CACNA1A: variants seen among roughly 807,000 people sequenced by gnomAD.
CACNA1A encodes voltage-dependent P/Q-type calcium channel subunit alpha-1A.
A neutral mutation model predicts 262.4 loss-of-function variants in CACNA1A; 57 were observed. That is an observed-to-expected ratio of 0.22 (90% confidence interval 0.18 to 0.27). The LOEUF is 0.27. Ranked by LOEUF, CACNA1A falls within the 10% of genes least tolerant of loss-of-function variation. The probability of loss-of-function intolerance (pLI) is 1.00; values close to 1 mark genes in which losing one functional copy is unlikely to be tolerated. For missense variants in CACNA1A, 2,526 were observed against 3,562.8 expected (o/e 0.71, Z 7.41); for synonymous variants, 1,431 against 1,419.3 (o/e 1.01, Z -0.18).
chr19:13,219,396 CT>C (rs1381008539), intron 38 of CACNA1A, among the ~76,000 whole-genome samples: 2 of 152,096 alleles, frequency 1.3e-5, no homozygotes, highest in Non-Finnish European at 2.9e-5. Context: ...AGTATAAAAA[CT>C]TTTCTCAGTT....
At chr19:13,233,802 T>C (rs894375759) in intron 34 of CACNA1A, among the ~76,000 whole-genome samples, 2 of 152,182 alleles carry the variant, frequency 1.3e-5, no homozygotes, top group Admixed American at 6.5e-5. Flanking sequence ...TATTCCCCTT[T>C]ATTCTTGAAT....
intron 38 of CACNA1A, among the ~76,000 whole-genome samples, chr19:13,223,908 G>GT (rs2055334948): frequency 6.6e-6 from 1 of 152,024 alleles, no homozygotes; most frequent in Non-Finnish European, 1.5e-5. Flanking sequence ...GCTCATGCCT[G>GT]TAATACCAGC....
At chr19:13,382,196 AAG>A (rs1443807432) in intron 3 of CACNA1A, among the ~76,000 whole-genome samples, 3 of 152,156 alleles carry the variant, frequency 2.0e-5, no homozygotes, top group Non-Finnish European at 1.5e-5. Context: ...GCAGGGATGA[AAG>A]AGGGAATGAT....
At position 13,214,162 on chromosome 19, in the gene CACNA1A, A is replaced by G; in HGVS notation, c.5940+71T>C. ...TGGGGCTCAGCCACCCTCATATTCC[A>G]GTTGGTTCCCGTGGTGACATGCAAG... On this transcript the variant is annotated intron_variant, in intron 40 of 46. Coordinates refer to ENST00000360228, the MANE Select transcript of CACNA1A (RefSeq NM_001127222.2). This position sits in a 1 kb window ranked among gnomAD's most constrained non-coding sequence, Gnocchi z 4.1. 7.9e-7 allele frequency: 1 copy of G among 1,265,196 alleles called. No individual in the cohort carries two copies. The highest frequency in any genetic ancestry group is 1.1e-6 in the Non-Finnish European group (1 of 896,390). 78.4% of individuals were successfully genotyped at this position (1,265,196 alleles called of 1,614,324 possible). A position where few individuals can be genotyped will look rare whatever the true frequency, so the allele number is the denominator to read the frequency against.
intron 22 of CACNA1A, among the ~76,000 whole-genome samples, chr19:13,279,734 C>G (rs1380346262): frequency 1.3e-5 from 2 of 152,140 alleles, no homozygotes; most frequent in African/African-American, 2.4e-5. Context: ...ATCTACCCAC[C>G]TTGGCCTCCC....
chr19:13,366,794 G>A (rs1445461186), intron 4 of CACNA1A, among the ~76,000 whole-genome samples: 3 of 151,922 alleles, frequency 2.0e-5, no homozygotes, highest in South Asian at 2.1e-4. Context: ...ATAAAAGGCC[G>A]CCATATAGGC....
chr19:13,392,030 CAAAAAAAAA>C (rs137905773), intron 3 of CACNA1A, among the ~76,000 whole-genome samples: 1 of 84,728 alleles, frequency 1.2e-5, no homozygotes, highest in East Asian at 4.2e-4. Context: ...GACCATGTCT[CAAAAAAAAA>C]AAAAAAAAGA....
At chr19:13,396,024 C>A (rs1259385751) in intron 3 of CACNA1A, among the ~76,000 whole-genome samples, 3 of 152,234 alleles carry the variant, frequency 2.0e-5, no homozygotes, top group Non-Finnish European at 4.4e-5. Flanking sequence ...AAAAAACGGA[C>A]AATTTCCCCT....
chr19:13,224,818 C>T, intron 37 of CACNA1A, 46 bp from the exon 38 acceptor site: 2 of 1,451,296 alleles, frequency 1.4e-6, no homozygotes, highest in South Asian at 1.2e-5. Flanking sequence ...GGCATCCCTC[C>T]TGGGTCTCCC....
In CACNA1A at chr19:13,235,596, G is replaced by A. The variant is rs774361641; in HGVS notation, c.5067+18C>T. On this transcript the variant is annotated intron_variant, in intron 32 of 46. Coordinates refer to ENST00000360228, the MANE Select transcript of CACNA1A (RefSeq NM_001127222.2). ...CTGTCTTCTCAGCCCTGGGCCAGCAGCAGGGACGAGGACTCACCTTGAAGG... is the reference window on the plus strand; with the variant it reads ...CTGTCTTCTCAGCCCTGGGCCAGCAACAGGGACGAGGACTCACCTTGAAGG... 1 of 1,532,208 alleles carries A rather than the reference G, an allele frequency of 6.5e-7. No individual in the cohort carries two copies. Among genetic ancestry groups the A allele is most frequent in the South Asian group, 1.1e-5 (1 of 89,368 alleles). The allele number at this position is 1,532,208 out of a possible 1,614,324, so 94.9% of individuals were successfully genotyped here.
intron 3 of CACNA1A, among the ~76,000 whole-genome samples, chr19:13,385,770 A>C (rs764896149): frequency 1.3e-5 from 2 of 152,188 alleles, no homozygotes; most frequent in Non-Finnish European, 2.9e-5. Context: ...GCACTCAATA[A>C]ATGTTTACTG....
chr19:13,502,327 A>G (rs1374023962), intron 1 of CACNA1A, among the ~76,000 whole-genome samples: 1 of 152,204 alleles, frequency 6.6e-6, no homozygotes, highest in Non-Finnish European at 1.5e-5. Context: ...GTGCGTGATA[A>G]TACACTGACC....
Position 13,208,877 on chromosome 19 carries a change from G to GGGT in CACNA1A, c.6658_6659insACC (p.His2219dup), listed in dbSNP as rs768950814. 11,264 of 1,459,614 alleles carry GGGT rather than the reference G, an allele frequency of 7.7e-3. 51 individuals are homozygous for GGGT. The highest frequency in any genetic ancestry group is 0.016 in the African/African-American group (1,121 of 69,956). The allele number at this position is 1,459,614 out of a possible 1,614,324, so 90.4% of individuals were successfully genotyped here. On this transcript the variant is annotated inframe_insertion, in exon 46 of 47. Coordinates refer to ENST00000360228, the MANE Select transcript of CACNA1A (RefSeq NM_001127222.2). ...ATAGCGGTCCTTGTCGGGGGGCGGG[G>GGGT]GATGGTGGTGGTGGTGGTGGTGGTG...
chr19:13,392,884 T>C (rs1955770684), intron 3 of CACNA1A, among the ~76,000 whole-genome samples: 1 of 152,124 alleles, frequency 6.6e-6, no homozygotes, highest in Non-Finnish European at 1.5e-5. Context: ...GTAGCTGAGA[T>C]TACAGGCACA....
chr19:13,493,379 T>C (rs1322648271), intron 1 of CACNA1A, among the ~76,000 whole-genome samples: 2 of 152,252 alleles, frequency 1.3e-5, no homozygotes, highest in Admixed American at 6.5e-5. Context: ...CATTTTAAGA[T>C]GCTGAACTGC....
intron 1 of CACNA1A, among the ~76,000 whole-genome samples, chr19:13,482,820 CTT>C (rs952372320): frequency 1.9e-4 from 29 of 151,858 alleles, no homozygotes; most frequent in African/African-American, 7.0e-4. Flanking sequence ...CCCTCTCTCT[CTT>C]TCTCTCCCCC....
chr19:13,223,787 G>A (rs2055329554), intron 38 of CACNA1A, among the ~76,000 whole-genome samples: 1 of 152,234 alleles, frequency 6.6e-6, no homozygotes, highest in African/African-American at 2.4e-5. Flanking sequence ...CCTCAGTGGC[G>A]GCCTCCCCAT....
intron 3 of CACNA1A, among the ~76,000 whole-genome samples, chr19:13,398,483 C>T (rs2059845887): frequency 6.6e-6 from 1 of 152,126 alleles, no homozygotes; most frequent in Non-Finnish European, 1.5e-5. Context: ...ACTGATGGAT[C>T]TCTGGTGTCT....
At chr19:13,466,877 ATTATTTATTTATTTATTTAT>A (rs59575263) in intron 1 of CACNA1A, among the ~76,000 whole-genome samples, 5 of 142,524 alleles carry the variant, frequency 3.5e-5, no homozygotes, top group Admixed American at 2.1e-4. Context: ...TTAAATTTCC[ATTATTTATTTATTTATTTAT>A]TTATTTATTT....
Sources: allele counts gnomAD v4.1 joint callset (sites outside exome capture counted in the v4.1 genomes callset), GRCh38; gene constraint gnomAD v4.1.1; non-coding constraint Gnocchi (gnomAD v3.1); transcripts MANE v1.5; gene names NCBI Gene and HGNC (gene_info 2026-07-23, HGNC 2026-07-21).